Variants in EXTL3 observed in about 807,000 individuals in gnomAD.
EXTL3 encodes exostosin like glycosyltransferase 3.
In EXTL3, 27 loss-of-function variants were observed where a neutral mutation model predicts 69.3. The observed-to-expected ratio is 0.39, with a 90% CI of 0.29 to 0.54. The LOEUF is 0.54. EXTL3 is among the 20% of genes least tolerant of loss of function. EXTL3 has a pLI of 0.69. For synonymous variants in EXTL3, 511 were observed against 499.4 expected (o/e 1.02, Z -0.31); for missense variants, 1,003 against 1,231.8 (o/e 0.81, Z 2.78).
chr8:28,699,896 A>C (rs1800750064), upstream of EXTL3: 1 of 152,240 alleles, frequency 6.6e-6, no homozygotes, highest in African/African-American at 2.4e-5. Context: ...TCGAACAGGT[A>C]GCAGGTAACT....
chr8:28,691,766 G>A (rs534491563), intron 1 of EXTL3, among the ~76,000 whole-genome samples: 32 of 151,732 alleles, frequency 2.1e-4, no homozygotes, highest in East Asian at 7.8e-4. Flanking sequence ...GCGTGGTGGC[G>A]CGAGCCTGTA....
chr8:28,697,808 A>G (rs1018801638), upstream of EXTL3: 2 of 150,532 alleles, frequency 1.3e-5, no homozygotes, highest in East Asian at 2.0e-4. Context: ...CCTGGGTGAC[A>G]GAGCCAGACT....
intron 2 of EXTL3, among the ~76,000 whole-genome samples, chr8:28,609,539 G>A (rs1265215176): frequency 6.6e-6 from 1 of 151,656 alleles, no homozygotes; most frequent in African/African-American, 2.4e-5. Flanking sequence ...AGGAGCTCTG[G>A]GTGGGCAAGG....
chr8:28,631,142 A>AGT (rs1806565481), intron 1 of EXTL3, among the ~76,000 whole-genome samples: 3 of 112,750 alleles, frequency 2.7e-5, no homozygotes, highest in African/African-American at 1.2e-4. Context: ...TTTAGAGAGG[A>AGT]CTTTTTTTTT....
intron 1 of EXTL3, among the ~76,000 whole-genome samples, chr8:28,680,322 G>A (rs1326563990): frequency 2.7e-5 from 4 of 150,444 alleles, no homozygotes; most frequent in Non-Finnish European, 5.9e-5. Context: ...CCTGGGAGGT[G>A]GAGGTTGCAG....
intron 1 of EXTL3, among the ~76,000 whole-genome samples, chr8:28,709,467 G>A (rs961931817): frequency 4.6e-5 from 7 of 152,112 alleles, no homozygotes; most frequent in African/African-American, 1.7e-4. Context: ...ACAGCCAGAT[G>A]GAGCAGTGAC....
chr8:28,756,457 A>G (rs1802123202), downstream of EXTL3, among the ~76,000 whole-genome samples: 1 of 152,202 alleles, frequency 6.6e-6, no homozygotes, highest in East Asian at 1.9e-4. Flanking sequence ...TTTATTGCTT[A>G]GTATTCCCTT....
chr8:28,679,196 C>T (rs1807438381), intron 1 of EXTL3, among the ~76,000 whole-genome samples: 1 of 152,192 alleles, frequency 6.6e-6, no homozygotes, highest in Non-Finnish European at 1.5e-5. Context: ...GCCTGTTATC[C>T]CAGCACTTTG....
chr8:28,711,807 A>T (rs937157388), intron 1 of EXTL3, among the ~76,000 whole-genome samples: 16 of 152,212 alleles, frequency 1.1e-4, no homozygotes, highest in Admixed American at 6.5e-5. Context: ...AGGGAGGATG[A>T]GTCAGGGAAG....
At chr8:28,739,372 G>C (rs559978255) in intron 5 of EXTL3, among the ~76,000 whole-genome samples, 2 of 152,170 alleles carry the variant, frequency 1.3e-5, no homozygotes, top group South Asian at 4.2e-4. Context: ...TGTCGCCCAG[G>C]TTGGAGTGTA....
chr8:28,669,290 A>G (rs934726149), intron 1 of EXTL3, among the ~76,000 whole-genome samples: 1 of 152,172 alleles, frequency 6.6e-6, no homozygotes, highest in Non-Finnish European at 1.5e-5. Context: ...CGATGGTAGC[A>G]TGTATCAAGG....
rs749395423 is a variant in EXTL3 at position 28,671,309 on chromosome 8, G to GTT, written c.-52-42129_-52-42128dup. Among the ~76,000 whole-genome samples the GTT allele has an allele frequency of 3.2e-3, 290 of 89,608 alleles. 3 individuals carry two copies. Among genetic ancestry groups the GTT allele is most frequent in the Middle Eastern group, 8.3e-3 (1 of 120 alleles). The allele number at this position is 89,608 out of a possible 152,430, so 58.8% of individuals were successfully genotyped here. A position where few individuals can be genotyped will look rare whatever the true frequency, so the allele number is the denominator to read the frequency against. ...ATTTTATTTTTATGTTTTGTTTTTT[G>GTT]TTTTTTTTTTTTTTTTTTTTGAGAC... is the stretch of plus-strand genomic sequence containing the variant. On this transcript the variant is annotated intron_variant, in intron 1 of 6. Transcript: ENST00000523149.
rs567929424 is a variant in EXTL3 at position 28,729,595 on chromosome 8, CAAAAAAAAA to C, written c.2149-1608_2149-1600del. Among the ~76,000 whole-genome samples the C allele has an allele frequency of 7.5e-4, 25 of 33,240 alleles. No individual in the cohort carries two copies. In the East Asian group the frequency reaches 0.027, roughly 36 times the overall value. 21.8% of individuals were successfully genotyped at this position (33,240 alleles called of 152,430 possible). A position where few individuals can be genotyped will look rare whatever the true frequency, so the allele number is the denominator to read the frequency against. Reference sequence around the variant, plus strand: ...TGGGTGACAGAGTGAGACTCCATCTCAAAAAAAAAAAAAAAAAAAAAAAAAAAAGCATTT... The same window carrying C: ...TGGGTGACAGAGTGAGACTCCATCTCAAAAAAAAAAAAAAAAAAAGCATTT... On this transcript the variant is annotated intron_variant, in intron 3 of 6. Transcript: ENST00000220562.
intron 5 of EXTL3, chr8:28,739,826 A>G (rs1801738534): frequency 6.6e-6 from 1 of 152,178 alleles, no homozygotes. Flanking sequence ...GCAACTGGCC[A>G]AGATTTTCAC....
chr8:28,681,126 G>A (rs1010669440), intron 1 of EXTL3, among the ~76,000 whole-genome samples: 16 of 151,616 alleles, frequency 1.1e-4, no homozygotes, highest in African/African-American at 3.9e-4. Flanking sequence ...CGCCCACCTC[G>A]GCCTCCCACA....
At chr8:28,657,080 C>T (rs1807023363) in intron 1 of EXTL3, among the ~76,000 whole-genome samples, 2 of 151,754 alleles carry the variant, frequency 1.3e-5, no homozygotes, top group African/African-American at 4.8e-5. Context: ...TACAGGCGCC[C>T]ACCACCACCA....
upstream of EXTL3, among the ~76,000 whole-genome samples, chr8:28,618,301 T>C (rs188680283): frequency 8.8e-3 from 1,340 of 151,832 alleles, 12 homozygotes; most frequent in African/African-American, 0.023. Flanking sequence ...ACCCCATCTC[T>C]ACTTAAAAAA....
intron 1 of EXTL3, among the ~76,000 whole-genome samples, chr8:28,665,469 G>A (rs1447631339): frequency 1.4e-5 from 2 of 148,110 alleles, no homozygotes; most frequent in African/African-American, 5.0e-5. Flanking sequence ...ACCCTGGCTG[G>A]AGTGTGGTCA....
chr8:28,667,980 TG>T (rs1807222802), intron 1 of EXTL3, among the ~76,000 whole-genome samples: 1 of 152,090 alleles, frequency 6.6e-6, no homozygotes, highest in East Asian at 1.9e-4. Context: ...AAAAGCAGCC[TG>T]GGCAAGCTCA....
Sources: allele counts gnomAD v4.1 joint callset (sites outside exome capture counted in the v4.1 genomes callset), GRCh38; gene constraint gnomAD v4.1.1; transcripts MANE v1.5; gene names NCBI Gene and HGNC (gene_info 2026-07-23, HGNC 2026-07-21).